CCDC7: variants seen among roughly 807,000 people sequenced by gnomAD.
CCDC7 encodes the protein coiled-coil domain-containing protein 7.
In CCDC7, 183 loss-of-function variants were observed where a neutral mutation model predicts 196.9. That is an observed-to-expected ratio of 0.93 (90% confidence interval 0.82 to 1.05). The LOEUF is 1.05. CCDC7 is among the 50% of genes least tolerant of loss of function. The pLI is 0.00. For synonymous variants in CCDC7, 525 were observed against 484.6 expected (o/e 1.08, Z -1.10); for missense variants, 1,540 against 1,482.2 (o/e 1.04, Z -0.64).
In CCDC7 at chr10:32,790,281, G is replaced by A. The variant is rs892791733; in HGVS notation, c.3013+11197G>A. Among the ~76,000 whole-genome samples, 14 of 152,172 alleles carry A rather than the reference G, an allele frequency of 9.2e-5. No individual in the cohort carries two copies. In the East Asian group the frequency reaches 1.3e-3, roughly 15 times the overall value. ...CAGCCCCTGTGACATGTTTCTGTCC[G>A]GGACCCCAGACTGTCCATGACATTC... On this transcript the variant is annotated intron_variant, in intron 29 of 41. Transcript: ENST00000639629.
chr10:32,537,271 GTA>G (rs1251831724), intron 11 of CCDC7, among the ~76,000 whole-genome samples: 2 of 152,008 alleles, frequency 1.3e-5, no homozygotes, highest in Non-Finnish European at 1.5e-5. Flanking sequence ...TGCATTTTTT[GTA>G]TGTTTGTTGG....
At chr10:32,572,289 A>G (rs555398454) in intron 16 of CCDC7, among the ~76,000 whole-genome samples, 2 of 152,278 alleles carry the variant, frequency 1.3e-5, no homozygotes, top group Admixed American at 1.3e-4. Flanking sequence ...ATGCACACAT[A>G]TGTATGTACA....
intron 18 of CCDC7, among the ~76,000 whole-genome samples, chr10:32,622,632 G>T (rs1311544755): frequency 6.6e-6 from 1 of 152,042 alleles, no homozygotes; most frequent in African/African-American, 2.4e-5. Context: ...TTCCTGTTGT[G>T]AGAGGCTTAC....
At chr10:32,533,264 C>T (rs1239108997) in intron 11 of CCDC7, among the ~76,000 whole-genome samples, 2 of 151,548 alleles carry the variant, frequency 1.3e-5, no homozygotes, top group African/African-American at 4.8e-5. Flanking sequence ...CACACACACA[C>T]ACACACACAC....
chr10:32,730,277 A>G (rs978008835), intron 28 of CCDC7, among the ~76,000 whole-genome samples: 6 of 151,784 alleles, frequency 4.0e-5, no homozygotes, highest in African/African-American at 7.3e-5. Context: ...TCAGTCTGAT[A>G]TTTTTTCTTT....
At chr10:32,627,003 C>T (rs1349335289) in intron 18 of CCDC7, among the ~76,000 whole-genome samples, 3 of 144,992 alleles carry the variant, frequency 2.1e-5, no homozygotes, top group South Asian at 2.2e-4. Context: ...CAGCATTGTT[C>T]TTTTTGTTCA....
At chr10:32,871,344 G>C (rs549789992) in intron 41 of CCDC7, among the ~76,000 whole-genome samples, 2,559 of 152,070 alleles carry the variant, frequency 0.017, 72 homozygotes, top group African/African-American at 0.051. Context: ...TGTATGTGTT[G>C]AGGAATTTAT....
chr10:32,489,161 G>A (rs2041766114), intron 8 of CCDC7, among the ~76,000 whole-genome samples: 1 of 152,206 alleles, frequency 6.6e-6, no homozygotes, highest in Non-Finnish European at 1.5e-5. Flanking sequence ...CATGATACCT[G>A]TGGAGTGGTC....
intron 18 of CCDC7, among the ~76,000 whole-genome samples, chr10:32,606,790 TAGAA>T (rs1422916935): frequency 2.0e-5 from 3 of 152,160 alleles, no homozygotes; most frequent in African/African-American, 7.2e-5. Context: ...GGTTTATAGA[TAGAA>T]GGAAATTGGC....
At chr10:32,796,877 A>C (rs1223942465) in intron 29 of CCDC7, among the ~76,000 whole-genome samples, 1 of 152,208 alleles carries the variant, frequency 6.6e-6, no homozygotes, top group African/African-American at 2.4e-5. Flanking sequence ...ACATATAAAA[A>C]TAACCTGGTG....
intron 18 of CCDC7, among the ~76,000 whole-genome samples, chr10:32,621,561 A>G (rs1479167543): frequency 1.3e-5 from 2 of 152,180 alleles, no homozygotes. Flanking sequence ...GTCCCATGAT[A>G]TGCCATCTGG....
At chr10:32,561,964 G>A (rs1246206479) in intron 13 of CCDC7, among the ~76,000 whole-genome samples, 1 of 151,500 alleles carries the variant, frequency 6.6e-6, no homozygotes, top group Non-Finnish European at 1.5e-5. Context: ...AATGATAAAG[G>A]GGATATCACC....
chr10:32,572,866 C>CTTTT (rs576270039), intron 16 of CCDC7, among the ~76,000 whole-genome samples: 2,053 of 90,520 alleles, frequency 0.023, 7 homozygotes, highest in East Asian at 0.041. Context: ...AAGCATGGTG[C>CTTTT]TTTTTTTTTT....
chr10:32,769,545 G>C (rs142253412), intron 28 of CCDC7, among the ~76,000 whole-genome samples: 1 of 151,862 alleles, frequency 6.6e-6, no homozygotes, highest in Non-Finnish European at 1.5e-5. Context: ...GTTTTGTTAC[G>C]TAGGTATACA....
chr10:32,801,222 T>A (rs1162234404), intron 29 of CCDC7, among the ~76,000 whole-genome samples: 8 of 152,236 alleles, frequency 5.3e-5, no homozygotes, highest in Admixed American at 2.6e-4. Context: ...TTATGTCTTC[T>A]GGACCCTCCC....
chr10:32,517,938 T>G lies in CCDC7; in HGVS notation c.873-7T>G. ...TATAAACACACTTTTTTTGGTTTAT[T>G]TTTCAGAGCTGTAAATGATCAAGTT... On this transcript the variant is annotated splice_region_variant and splice_polypyrimidine_tract_variant and intron_variant, in intron 9 of 41. Transcript: ENST00000639629. 6.3e-7 allele frequency: 1 copy of G among 1,590,866 alleles called. No homozygotes were observed. Among genetic ancestry groups the G allele is most frequent in the Non-Finnish European group, 8.5e-7 (1 of 1,170,570 alleles).
At chr10:32,844,123 C>T (rs997419309) in intron 33 of CCDC7, among the ~76,000 whole-genome samples, 11 of 151,862 alleles carry the variant, frequency 7.2e-5, no homozygotes, top group African/African-American at 2.7e-4. Context: ...CCAGTTGACC[C>T]AAGTCACCCA....
At chr10:32,868,170 G>C (rs948869226) in intron 41 of CCDC7, among the ~76,000 whole-genome samples, 2 of 151,836 alleles carry the variant, frequency 1.3e-5, no homozygotes, top group African/African-American at 4.8e-5. Context: ...TCATCCATCA[G>C]CTGACACTTG....
chr10:32,638,705 T>C (rs2066134106), intron 20 of CCDC7, among the ~76,000 whole-genome samples: 1 of 152,190 alleles, frequency 6.6e-6, no homozygotes, highest in East Asian at 1.9e-4. Context: ...TCTTGTTGTG[T>C]CTCTGTCAGG....
Sources: gnomAD v4.1 joint callset for allele counts (sites outside exome capture counted in the v4.1 genomes callset) on GRCh38, gnomAD v4.1.1 for gene constraint, MANE v1.5 for transcripts, NCBI Gene and HGNC (gene_info 2026-07-23, HGNC 2026-07-21) for gene names.